FGF12: variants seen among roughly 807,000 people sequenced by gnomAD.
FGF12 encodes fibroblast growth factor 12B.
Under a neutral mutation model 23.6 loss-of-function variants are expected in FGF12, and 14 were observed. That is an observed-to-expected ratio of 0.59 (90% CI 0.39 to 0.93). The LOEUF (loss-of-function observed/expected upper bound fraction) is 0.93, where lower values mean the gene tolerates loss of function less well. Ranked by LOEUF, FGF12 falls within the 40% of genes least tolerant of loss-of-function variation. FGF12 has a pLI of 0.00. For missense variants in FGF12, 175 were observed against 217.8 expected, an observed-to-expected ratio of 0.80 and a Z score of 1.24; for synonymous variants, 62 against 77.3, an observed-to-expected ratio of 0.80 and a Z score of 1.04.
At chr3:192,251,192 T>G (rs1711985369) in intron 4 of FGF12, among the ~76,000 whole-genome samples, 2 of 152,134 alleles carry the variant, frequency 1.3e-5, no homozygotes, top group African/African-American at 4.8e-5. Context: ...GCCTTCAAAC[T>G]CATATAACAT....
At chr3:192,307,286 G>A (rs80093839) in intron 4 of FGF12, among the ~76,000 whole-genome samples, 5,728 of 152,180 alleles carry the variant, frequency 0.038, 345 homozygotes, top group African/African-American at 0.13. Context: ...TAATTAACAT[G>A]TTATCTATGA....
At chr3:192,577,062 G>A (rs945562315) in intron 2 of FGF12, among the ~76,000 whole-genome samples, 12 of 152,084 alleles carry the variant, frequency 7.9e-5, no homozygotes, top group Admixed American at 4.6e-4. Flanking sequence ...TCGGCGGGTG[G>A]GGGACTAGGG....
chr3:192,659,483 A>G (rs1292288763), intron 2 of FGF12, among the ~76,000 whole-genome samples: 1 of 152,146 alleles, frequency 6.6e-6, no homozygotes, highest in African/African-American at 2.4e-5. Flanking sequence ...AACCTGCAGA[A>G]ATCAGAAATC....
chr3:192,566,512 G>A (rs964902249), intron 2 of FGF12, among the ~76,000 whole-genome samples: 2 of 152,168 alleles, frequency 1.3e-5, no homozygotes, highest in Non-Finnish European at 2.9e-5. Flanking sequence ...CCTGTGGAGA[G>A]CCTGGGAAAA....
At chr3:192,391,247 C>T (rs986678361) in intron 2 of FGF12, among the ~76,000 whole-genome samples, 2 of 152,122 alleles carry the variant, frequency 1.3e-5, no homozygotes, top group Non-Finnish European at 2.9e-5. Context: ...AAATTAAACA[C>T]AGGAATGCCT....
chr3:192,571,440 A>G (rs1299046693), intron 2 of FGF12, among the ~76,000 whole-genome samples: 1 of 152,236 alleles, frequency 6.6e-6, no homozygotes, highest in Non-Finnish European at 1.5e-5. Flanking sequence ...CAGTACCGGG[A>G]TCGCTGCCAG....
intron 2 of FGF12, among the ~76,000 whole-genome samples, chr3:192,582,657 A>T (rs1713203447): frequency 6.6e-6 from 1 of 151,132 alleles, no homozygotes; most frequent in Non-Finnish European, 1.5e-5. Context: ...TAGAAAATGG[A>T]GCAGGAAATG....
chr3:192,184,859 A>G (rs936393675), intron 4 of FGF12, among the ~76,000 whole-genome samples: 1 of 152,264 alleles, frequency 6.6e-6, no homozygotes, highest in East Asian at 1.9e-4. Context: ...AAAAGAATTC[A>G]GATATATGTG....
intron 2 of FGF12, among the ~76,000 whole-genome samples, chr3:192,405,074 A>G (rs1720908355): frequency 6.9e-6 from 1 of 145,616 alleles, no homozygotes; most frequent in Non-Finnish European, 1.5e-5. Flanking sequence ...GACAAAACCT[A>G]GTTGTGTAAC....
chr3:192,531,193 AT>A (rs1287620408), intron 2 of FGF12, among the ~76,000 whole-genome samples: 3 of 151,942 alleles, frequency 2.0e-5, no homozygotes, highest in Non-Finnish European at 4.4e-5. Flanking sequence ...TAGAGTGGTG[AT>A]TTTTTTTCTT....
intron 4 of FGF12, among the ~76,000 whole-genome samples, chr3:192,270,424 C>A (rs1387816302): frequency 6.6e-6 from 1 of 152,042 alleles, no homozygotes; most frequent in Non-Finnish European, 1.5e-5. Context: ...TTCTCCCCTA[C>A]TATTACTGGG....
In FGF12 at chr3:192,548,421, A is replaced by C. The variant is rs1023296856; in HGVS notation, c.13+178760T>G. 5.6e-4 allele frequency among the ~76,000 whole-genome samples: 86 copies of C among 152,324 alleles called. 1 individual carries two copies. Among genetic ancestry groups the C allele is most frequent in the African/African-American group, 1.8e-3 (75 of 41,584 alleles). ...TTGTACAAATGGAAAAAACTGAGGC[A>C]TAGGGAAATGAATCACTCAGAAAAA... On this transcript the variant is annotated intron_variant, in intron 2 of 5. Transcript: ENST00000445105.
chr3:192,502,048 C>A (rs1000211898), intron 2 of FGF12, among the ~76,000 whole-genome samples: 2 of 152,174 alleles, frequency 1.3e-5, no homozygotes, highest in African/African-American at 4.8e-5. Flanking sequence ...TAGATAGATA[C>A]CAGTCTGGGA....
intron 4 of FGF12, among the ~76,000 whole-genome samples, chr3:192,281,072 G>A (rs1714113709): frequency 6.6e-6 from 1 of 152,086 alleles, no homozygotes; most frequent in African/African-American, 2.4e-5. Flanking sequence ...TTCAGTGTGT[G>A]GGGTATATTA....
chr3:192,626,327 C>T (rs892494367), intron 2 of FGF12, among the ~76,000 whole-genome samples: 11 of 152,128 alleles, frequency 7.2e-5, no homozygotes, highest in Admixed American at 1.3e-4. Context: ...TATTTTTCAA[C>T]GCTTTTTTTT....
chr3:192,374,661 C>G (rs1252069941), intron 2 of FGF12, among the ~76,000 whole-genome samples: 1 of 152,164 alleles, frequency 6.6e-6, no homozygotes, highest in Non-Finnish European at 1.5e-5. Context: ...CTCATTCCAT[C>G]TTTGCATTAG....
In FGF12 at chr3:192,623,765, T is replaced by C. The variant is rs931555379; in HGVS notation, c.13+103416A>G. Among the ~76,000 whole-genome samples, 2 of 152,214 alleles carry C rather than the reference T, an allele frequency of 1.3e-5. 1 individual carries two copies. The highest frequency in any genetic ancestry group is 4.8e-5 in the African/African-American group (2 of 41,452). On this transcript the variant is annotated intron_variant, in intron 2 of 5. Coordinates refer to ENST00000445105, the MANE Select transcript of FGF12 (RefSeq NM_004113.6). ...TCAGCCAGAGACCAAGGAAGTCCAATAACTTCACCAACTTCACCTCTCTCT... is the reference window on the plus strand; with the variant it reads ...TCAGCCAGAGACCAAGGAAGTCCAACAACTTCACCAACTTCACCTCTCTCT...
chr3:192,702,099 G>A (rs530099791), intron 2 of FGF12, among the ~76,000 whole-genome samples: 5 of 152,010 alleles, frequency 3.3e-5, no homozygotes, highest in African/African-American at 4.8e-5. Flanking sequence ...AATATTCCAC[G>A]TATAAGTGAG....
At chr3:192,519,531 T>C (rs1037545120) in intron 2 of FGF12, among the ~76,000 whole-genome samples, 1 of 152,076 alleles carries the variant, frequency 6.6e-6, no homozygotes, top group East Asian at 1.9e-4. Context: ...TTCCATATTG[T>C]AAAGTTACAT....
Sources: gnomAD v4.1 joint callset for allele counts (sites outside exome capture counted in the v4.1 genomes callset) on GRCh38, gnomAD v4.1.1 for gene constraint, MANE v1.5 for transcripts, NCBI Gene and HGNC (gene_info 2026-07-23, HGNC 2026-07-21) for gene names.